The following CRHR2 variants were observed in gnomAD, a reference collection of about 807,000 sequenced individuals.
CRHR2 encodes the protein corticotropin releasing hormone receptor 2.
Under a neutral mutation model 57.9 loss-of-function variants are expected in CRHR2, and 53 were observed. The ratio of observed to expected loss-of-function variants is 0.92; its 90% CI spans 0.73 to 1.15. The LOEUF is 1.15. Among genes scored for constraint, CRHR2 ranks in the 50% most tolerant of loss-of-function variants. The pLI, the probability that CRHR2 is intolerant of heterozygous loss-of-function variation, is 0.00. For synonymous variants in CRHR2, 213 were observed against 220.9 expected (o/e 0.96, Z 0.32); for missense variants, 532 against 542.6 (o/e 0.98, Z 0.19).
At chr7:30,679,536 G>T (rs1259527861) in intron 2 of CRHR2, among the ~76,000 whole-genome samples, 1 of 152,192 alleles carries the variant, frequency 6.6e-6, no homozygotes, top group Non-Finnish European at 1.5e-5. Context: ...TCAACACTTA[G>T]CTTTGTGGCA....
At chr7:30,691,680 A>G (rs758825374) in intron 1 of CRHR2, among the ~76,000 whole-genome samples, 1 of 152,212 alleles carries the variant, frequency 6.6e-6, no homozygotes, top group Non-Finnish European at 1.5e-5. Context: ...TAATTTTTGG[A>G]GTAATCCCAG....
chr7:30,674,590 A>C lies in CRHR2; in HGVS notation c.230-7277T>G, dbSNP rs887976466. 3.9e-5 allele frequency among the ~76,000 whole-genome samples: 6 copies of C among 152,320 alleles called. No individual in the cohort carries two copies. In the Middle Eastern group the frequency reaches 0.01, roughly 259 times the overall value. ...ATCTGGCTCTCAGTTCCTAGTTCCT[A>C]TGAAGTAATGCAGGGAGAAGACAGC... On this transcript the variant is annotated intron_variant, in intron 2 of 11. Coordinates refer to ENST00000471646, the MANE Select transcript of CRHR2 (RefSeq NM_001883.5).
chr7:30,686,261 T>G, upstream of CRHR2: 1 of 1,299,374 alleles, frequency 7.7e-7, no homozygotes, highest in Non-Finnish European at 9.9e-7. Context: ...TGCTTTTTAT[T>G]CATTGTCTCA....
chr7:30,681,225 G>T (rs1340614334), intron 2 of CRHR2, among the ~76,000 whole-genome samples: 2 of 152,176 alleles, frequency 1.3e-5, no homozygotes, highest in Non-Finnish European at 2.9e-5. Context: ...GGCAGGCACA[G>T]GTTGTTCTCC....
Position 30,665,606 on chromosome 7 carries a change from G to A in CRHR2, c.349C>T (p.Leu117Phe). 1 of 1,561,500 alleles carries A rather than the reference G, an allele frequency of 6.4e-7. No individual in the cohort carries two copies. Among genetic ancestry groups the A allele is most frequent in the Non-Finnish European group, 8.7e-7 (1 of 1,151,816 alleles). Reference protein sequence around the residue: ...RKYDLHYRIALVVNYLGHCVS... With the variant: ...RKYDLHYRIAFVVNYLGHCVS... Reference sequence around the variant, plus strand: ...CAGTGGCCCAGGTAGTTGACGACAAGGGCGATGCGGTAGTGCAGGTCATAC... The same window carrying A: ...CAGTGGCCCAGGTAGTTGACGACAAAGGCGATGCGGTAGTGCAGGTCATAC... Residue 117 changes from leucine (L) to phenylalanine (F), a missense_variant, in exon 4 of 12, where the codon CTT becomes TTT. Coordinates refer to ENST00000471646, the MANE Select transcript of CRHR2 (RefSeq NM_001883.5). The surrounding 1 kb of genome is among the most constrained non-coding windows in gnomAD (Gnocchi z 4.5).
intron 10 of CRHR2, among the ~76,000 whole-genome samples, 188 bp from the exon 11 acceptor site, chr7:30,655,268 G>T (rs770046887): frequency 2.0e-5 from 3 of 152,168 alleles, no homozygotes; most frequent in Non-Finnish European, 2.9e-5. Flanking sequence ...GTGAGCAGTG[G>T]TCACAGGCCT....
Position 30,653,741 on chromosome 7 carries a change from C to A in CRHR2, c.1096-141G>T. 1 of 1,032,954 alleles carries A rather than the reference C, an allele frequency of 9.7e-7. No individual in the cohort carries two copies. Among genetic ancestry groups the A allele is most frequent in the Non-Finnish European group, 1.4e-6 (1 of 734,928 alleles). 64.0% of individuals were successfully genotyped at this position (1,032,954 alleles called of 1,614,324 possible). A position where few individuals can be genotyped will look rare whatever the true frequency, so the allele number is the denominator to read the frequency against. On this transcript the variant is annotated intron_variant, in intron 11 of 11. Transcript: ENST00000471646. The surrounding 1 kb of genome is among the most constrained non-coding windows in gnomAD (Gnocchi z 5.0). ...CTGTCTGCTTCCAAAACAGGTCCTT[C>A]CCTGATGCTGTTGCCTCTCTCCAGG... is the stretch of plus-strand genomic sequence containing the variant.
At chr7:30,668,809 C>A (rs1784266230) in intron 2 of CRHR2, among the ~76,000 whole-genome samples, 1 of 152,220 alleles carries the variant, frequency 6.6e-6, no homozygotes, top group Admixed American at 6.5e-5. Context: ...CAGGGCCCTG[C>A]CATCCCCCTG....
chr7:30,671,067 A>T (rs1317675980), intron 2 of CRHR2, among the ~76,000 whole-genome samples: 2 of 152,200 alleles, frequency 1.3e-5, no homozygotes, highest in Non-Finnish European at 2.9e-5. Context: ...TGGCTGGGAC[A>T]TGAGACCCTA....
Position 30,665,381 on chromosome 7 carries a change from A to G in CRHR2, c.425+149T>C. On this transcript the variant is annotated intron_variant, in intron 4 of 11. Transcript: ENST00000471646. This position sits in a 1 kb window ranked among gnomAD's most constrained non-coding sequence, Gnocchi z 4.5. ...CACCCCACATGCCTGCTGGTGATTC[A>G]TGCCCTGGCACCCCACCCAAACCCC... 3 of 826,420 alleles carry G rather than the reference A, an allele frequency of 3.6e-6. No homozygotes were observed. Among genetic ancestry groups the G allele is most frequent in the South Asian group, 3.4e-5 (2 of 59,086 alleles). The allele number at this position is 826,420 out of a possible 1,614,324, so 51.2% of individuals were successfully genotyped here.
At position 30,688,677 on chromosome 7, in the gene CRHR2, G is replaced by A. The variant is rs959691852; in HGVS notation, c.-167+514C>T. 6.3e-5 allele frequency: 25 copies of A among 398,514 alleles called. 1 individual carries two copies. Among genetic ancestry groups the A allele is most frequent in the African/African-American group, 5.2e-4 (25 of 47,920 alleles). The allele number at this position is 398,514 out of a possible 1,614,324, so 24.7% of individuals were successfully genotyped here. ...CCAGGATACAGGGTGGGACACTGGA[G>A]ACATCTCTCTGGAACCCAGCAGAAT... On this transcript the variant is annotated intron_variant, in intron 2 of 13. Coordinates refer to the CRHR2 transcript ENST00000341843.
intron 8 of CRHR2, among the ~76,000 whole-genome samples, chr7:30,657,774 A>G (rs914032624): frequency 6.6e-6 from 1 of 152,030 alleles, no homozygotes; most frequent in Non-Finnish European, 1.5e-5. Flanking sequence ...CCGTCCATCC[A>G]TCCATCCATC....
chr7:30,677,947 G>T (rs1248056991), intron 2 of CRHR2, among the ~76,000 whole-genome samples: 1 of 152,264 alleles, frequency 6.6e-6, no homozygotes, highest in Non-Finnish European at 1.5e-5. Flanking sequence ...GCATGTGCCT[G>T]CAGTCTCAGC....
chr7:30,664,733 A>T lies in CRHR2; in HGVS notation c.543+337T>A, dbSNP rs553227780. Among the ~76,000 whole-genome samples, 9 of 152,162 alleles carry T rather than the reference A, an allele frequency of 5.9e-5. No individual in the cohort carries two copies. In the South Asian group the frequency reaches 1.7e-3, roughly 28 times the overall value. On this transcript the variant is annotated intron_variant, in intron 5 of 11. Transcript: ENST00000471646. ...CAGCATTCTGGCCATGGGTCAGCCA[A>T]GGAGCAGCCAGAAAGTCAGTTGTCA...
Position 30,692,298 on chromosome 7 carries a change from G to T in CRHR2, c.-260-3014C>A, listed in dbSNP as rs191150418. Among the ~76,000 whole-genome samples the T allele has an allele frequency of 5.8e-4, 88 of 152,254 alleles. 1 individual carries two copies. The highest frequency in any genetic ancestry group is 1.9e-3 in the African/African-American group (80 of 41,558). On this transcript the variant is annotated intron_variant, in intron 1 of 13. Transcript: ENST00000341843. The stretch of plus-strand genomic sequence containing the variant: ...GCTCAAGCTCTTCCTGCCCAGAAAA[G>T]CTTCCTGGAAACCCTGTGCCCCCCT...
intron 2 of CRHR2, among the ~76,000 whole-genome samples, chr7:30,668,022 A>G (rs112250095): frequency 2.0e-5 from 3 of 152,192 alleles, no homozygotes; most frequent in Admixed American, 2.0e-4. Flanking sequence ...GGGCTGGGCC[A>G]CCGCCCTCGG....
chr7:30,656,074 G>T lies in CRHR2; in HGVS notation c.832-62C>A. 6.7e-7 allele frequency: 1 copy of T among 1,501,420 alleles called. No individual in the cohort carries two copies. Among genetic ancestry groups the T allele is most frequent in the South Asian group, 1.1e-5 (1 of 88,330 alleles). The allele number at this position is 1,501,420 out of a possible 1,614,324, so 93.0% of individuals were successfully genotyped here. A position where few individuals can be genotyped will look rare whatever the true frequency, so the allele number is the denominator to read the frequency against. ...AAGGAGCACGTGTTTGAGATGAGCC[G>T]AGAGGCAGCCCCCTTCCCCGCAGAC... On this transcript the variant is annotated intron_variant, in intron 8 of 11. Transcript: ENST00000471646. This position sits in a 1 kb window ranked among gnomAD's most constrained non-coding sequence, Gnocchi z 4.4.
In CRHR2 at chr7:30,665,486, A is replaced by C. The variant is rs1784151131; in HGVS notation, c.425+44T>G. 6.9e-7 allele frequency: 1 copy of C among 1,452,234 alleles called. No individual in the cohort carries two copies. The highest frequency in any genetic ancestry group is 2.0e-5 in the Admixed American group (1 of 50,772). 90.0% of individuals were successfully genotyped at this position (1,452,234 alleles called of 1,614,324 possible). A position where few individuals can be genotyped will look rare whatever the true frequency, so the allele number is the denominator to read the frequency against. On this transcript the variant is annotated intron_variant, in intron 4 of 11. Coordinates refer to ENST00000471646, the MANE Select transcript of CRHR2 (RefSeq NM_001883.5). This position sits in a 1 kb window ranked among gnomAD's most constrained non-coding sequence, Gnocchi z 4.5. ...CTGGGAGAGGTGAAGGGGGTGCTGT[A>C]GGGGGAGGGATGAGGAGAAAGCAAG...
chr7:30,686,424 T>A, upstream of CRHR2: 1 of 1,534,002 alleles, frequency 6.5e-7, no homozygotes, highest in Non-Finnish European at 8.7e-7. Flanking sequence ...CAGGTCCCTG[T>A]CTTCAGGCCA....
Sources: allele counts gnomAD v4.1 joint callset (sites outside exome capture counted in the v4.1 genomes callset), GRCh38; gene constraint gnomAD v4.1.1; non-coding constraint Gnocchi (gnomAD v3.1); transcripts MANE v1.5; gene names NCBI Gene and HGNC (gene_info 2026-07-23, HGNC 2026-07-21).